GREB1L: variants seen among roughly 807,000 people sequenced by gnomAD.
GREB1L encodes the protein GREB1-like protein.
In GREB1L, 17 loss-of-function variants were observed where a neutral mutation model predicts 200.8. That is an observed-to-expected ratio of 0.08 (90% CI 0.06 to 0.13). The LOEUF (loss-of-function observed/expected upper bound fraction) is 0.13. Among genes scored for constraint, GREB1L ranks in the 10% least tolerant of loss-of-function variants. The pLI is 1.00. For synonymous variants in GREB1L, 789 were observed against 893.0 expected (o/e 0.88, Z 2.08); for missense variants, 1,657 against 2,367.7 (o/e 0.70, Z 6.23).
At chr18:21,311,363 TA>T (rs1042903920) in intron 1 of GREB1L, among the ~76,000 whole-genome samples, 65 of 152,318 alleles carry the variant, frequency 4.3e-4, no homozygotes, top group African/African-American at 1.5e-3. Flanking sequence ...AAATAGTTAA[TA>T]GGGGTATAGA....
intron 11 of GREB1L, among the ~76,000 whole-genome samples, chr18:21,448,971 C>T (rs2034383865): frequency 6.6e-6 from 1 of 152,160 alleles, no homozygotes; most frequent in Non-Finnish European, 1.5e-5. Flanking sequence ...TGTGAGGCTG[C>T]CTCCAATATC....
intron 19 of GREB1L, among the ~76,000 whole-genome samples, chr18:21,493,120 T>G (rs2036405654): frequency 6.6e-6 from 1 of 152,216 alleles, no homozygotes; most frequent in East Asian, 1.9e-4. Context: ...CTCATTTATT[T>G]CTAAGTTATC....
At chr18:21,508,645 A>T in intron 27 of GREB1L, 54 bp downstream of exon 27, 1 of 1,424,284 alleles carries the variant, frequency 7.0e-7, no homozygotes, top group Non-Finnish European at 9.6e-7. Context: ...ACTGAGCTCC[A>T]TTCCCCTGGC....
chr18:21,400,058 G>T (rs574387440), intron 5 of GREB1L, among the ~76,000 whole-genome samples: 1 of 151,374 alleles, frequency 6.6e-6, no homozygotes, highest in South Asian at 2.1e-4. Flanking sequence ...GCCTTTATAC[G>T]ATATGGAATG....
chr18:21,486,278 CG>C (rs758189428), intron 18 of GREB1L, among the ~76,000 whole-genome samples: 4 of 150,534 alleles, frequency 2.7e-5, no homozygotes, highest in Non-Finnish European at 5.9e-5. Flanking sequence ...GGTGTGAACC[CG>C]GGAGGTGGAG....
At chr18:21,270,226 A>C (rs948213843) in intron 1 of GREB1L, among the ~76,000 whole-genome samples, 5 of 152,204 alleles carry the variant, frequency 3.3e-5, no homozygotes, top group African/African-American at 9.6e-5. Flanking sequence ...AAAGTGAAAA[A>C]GGGGACATTT....
chr18:21,453,445 G>C (rs2034619338), intron 14 of GREB1L, among the ~76,000 whole-genome samples: 1 of 152,242 alleles, frequency 6.6e-6, no homozygotes. Flanking sequence ...CCCTGTTGCA[G>C]TTAAACTGCC....
chr18:21,463,134 C>CTTT (rs11355874), intron 15 of GREB1L, among the ~76,000 whole-genome samples: 12 of 55,684 alleles, frequency 2.2e-4, no homozygotes, highest in Admixed American at 9.8e-4. Flanking sequence ...CTTAATGGTT[C>CTTT]TTTTTTTTTT....
At chr18:21,279,569 G>A (rs1484034695) in intron 1 of GREB1L, among the ~76,000 whole-genome samples, 1 of 152,048 alleles carries the variant, frequency 6.6e-6, no homozygotes, top group Non-Finnish European at 1.5e-5. Context: ...TAATTCCCCC[G>A]GAATGTAAGA....
At chr18:21,285,284 T>C (rs941756128) in intron 1 of GREB1L, among the ~76,000 whole-genome samples, 2 of 152,206 alleles carry the variant, frequency 1.3e-5, no homozygotes, top group African/African-American at 4.8e-5. Context: ...TTATATTTTG[T>C]GATTTGTGTC....
At chr18:21,415,172 T>G (rs1424241595) in intron 7 of GREB1L, among the ~76,000 whole-genome samples, 6 of 152,130 alleles carry the variant, frequency 3.9e-5, no homozygotes, top group African/African-American at 1.4e-4. Context: ...TTCAACATAG[T>G]ATTACTTGGT....
chr18:21,256,305 G>A (rs1322110883), intron 1 of GREB1L, among the ~76,000 whole-genome samples: 2 of 152,128 alleles, frequency 1.3e-5, no homozygotes, highest in Non-Finnish European at 2.9e-5. Context: ...ATTTAATAAT[G>A]GCCTGAAAAT....
chr18:21,462,745 C>T (rs1598881735), intron 15 of GREB1L, among the ~76,000 whole-genome samples: 2 of 152,088 alleles, frequency 1.3e-5, no homozygotes, highest in Admixed American at 1.3e-4. Context: ...CCACTGCACC[C>T]GGCCTAATGA....
intron 27 of GREB1L, among the ~76,000 whole-genome samples, chr18:21,510,237 C>T (rs1245868519): frequency 6.6e-6 from 1 of 151,644 alleles, no homozygotes; most frequent in Non-Finnish European, 1.5e-5. Flanking sequence ...AAAAGTACTG[C>T]TTTAATACTT....
intron 1 of GREB1L, among the ~76,000 whole-genome samples, chr18:21,260,271 C>T (rs1284435189): frequency 1.3e-5 from 2 of 151,750 alleles, no homozygotes; most frequent in African/African-American, 4.8e-5. Context: ...TATTAAAAAA[C>T]AATAGACAAA....
Position 21,496,791 on chromosome 18 carries a change from A to G in GREB1L, c.3391+93A>G, listed in dbSNP as rs760996981. On this transcript the variant is annotated intron_variant, in intron 21 of 32. Transcript: ENST00000424526. ...GGCAGAGGCATTTACTGACACCCCA[A>G]CGGCCTTCAGAGGAGCCTTCAGGGA... is the stretch of plus-strand genomic sequence containing the variant. The G allele has an allele frequency of 2.1e-4, 293 of 1,415,638 alleles. 2 individuals are homozygous for G. Among genetic ancestry groups the G allele is most frequent in the Non-Finnish European group, 1.5e-4 (162 of 1,053,274 alleles). 87.7% of individuals were successfully genotyped at this position (1,415,638 alleles called of 1,614,324 possible).
intron 7 of GREB1L, among the ~76,000 whole-genome samples, chr18:21,407,531 C>T (rs932080230): frequency 1.3e-5 from 2 of 152,104 alleles, no homozygotes; most frequent in East Asian, 1.9e-4. Flanking sequence ...TTGAGCAGAC[C>T]GTTTTCTCAT....
intron 1 of GREB1L, among the ~76,000 whole-genome samples, chr18:21,248,152 G>T (rs1457988615): frequency 6.6e-6 from 1 of 152,192 alleles, no homozygotes; most frequent in African/African-American, 2.4e-5. Flanking sequence ...AAACTCAGAT[G>T]TGTGGAGGGG....
intron 1 of GREB1L, among the ~76,000 whole-genome samples, chr18:21,291,055 A>T (rs1164622296): frequency 6.6e-6 from 1 of 152,032 alleles, no homozygotes; most frequent in Admixed American, 6.6e-5. Context: ...TATTCTACTG[A>T]TGTCATCAAC....
Sources: gnomAD v4.1 joint callset for allele counts (sites outside exome capture counted in the v4.1 genomes callset) on GRCh38, gnomAD v4.1.1 for gene constraint, MANE v1.5 for transcripts, NCBI Gene and HGNC (gene_info 2026-07-23, HGNC 2026-07-21) for gene names.